Variants in ZNF557 observed in about 807,000 individuals in gnomAD.
ZNF557 encodes the protein CTB-25J19.9.
In ZNF557, 19 loss-of-function variants were observed where a neutral mutation model predicts 21.2. The ratio of observed to expected loss-of-function variants is 0.90; its 90% CI spans 0.63 to 1.32. ZNF557 has a LOEUF of 1.32. Among genes scored for constraint, ZNF557 ranks in the 40% most tolerant of loss-of-function variants. The pLI is 0.00. For missense variants in ZNF557, 487 were observed against 519.8 expected, an observed-to-expected ratio of 0.94 and a Z score of 0.61; for synonymous variants, 207 against 194.8, an observed-to-expected ratio of 1.06 and a Z score of -0.52.
chr19:7,072,873 A>G (rs11878876), intron 2 of ZNF557, among the ~76,000 whole-genome samples: 106,890 of 151,700 alleles, frequency 0.7, 37,797 homozygotes, highest in Middle Eastern at 0.74. Context: ...CTCCATCTCC[A>G]GCACCCAGCT....
At position 7,084,520 on chromosome 19, in the gene ZNF557, T is replaced by A. The variant is rs1325589733; in HGVS notation, c.*776T>A. On this transcript the variant is annotated 3_prime_UTR_variant, in exon 8 of 8. Transcript: ENST00000252840. ...TGCATGACACCATGTCTGGCTAATT[T>A]GTTTTTTTTTAAACTAGAGGGAGGG... is the stretch of plus-strand genomic sequence containing the variant. 2.7e-5 allele frequency: 4 copies of A among 147,136 alleles called. No homozygotes were observed. The East Asian group carries it at 7.9e-4, about 29-fold the overall frequency. 9.1% of individuals were successfully genotyped at this position (147,136 alleles called of 1,614,324 possible). A position where few individuals can be genotyped will look rare whatever the true frequency, so the allele number is the denominator to read the frequency against.
rs532793260 is a variant in ZNF557 at position 7,076,645 on chromosome 19, G to C, written c.247+138G>C. ...AAAGTGTCCAATTTGGTGGCTTTTC[G>C]TAGGTTCACAGTGTAGTACAGCCAT... On this transcript the variant is annotated intron_variant, in intron 5 of 7. Transcript: ENST00000252840. The C allele has an allele frequency of 3.1e-6, 4 of 1,302,706 alleles. No homozygotes were observed. In the African/African-American group the frequency reaches 6.0e-5, roughly 20 times the overall value. The allele number at this position is 1,302,706 out of a possible 1,614,324, so 80.7% of individuals were successfully genotyped here. A position where few individuals can be genotyped will look rare whatever the true frequency, so the allele number is the denominator to read the frequency against.
rs1977781947 is a variant in ZNF557, at chr19:7,084,085, A to C, written c.*341A>C. 4.4e-6 allele frequency: 1 copy of C among 227,444 alleles called. No individual in the cohort carries two copies. Among genetic ancestry groups the C allele is most frequent in the Non-Finnish European group, 8.7e-6 (1 of 114,554 alleles). The allele number at this position is 227,444 out of a possible 1,614,324, so 14.1% of individuals were successfully genotyped here. On this transcript the variant is annotated 3_prime_UTR_variant, in exon 8 of 8. Coordinates refer to ENST00000252840, the MANE Select transcript of ZNF557 (RefSeq NM_024341.3). ...GTTTCCAAGGGAGCTGCGCTTCCAAATCACGTAGGCCTCTCAACAGGGCTG... is the reference window on the plus strand; with the variant it reads ...GTTTCCAAGGGAGCTGCGCTTCCAACTCACGTAGGCCTCTCAACAGGGCTG...
intron 2 of ZNF557, 62 bp from the exon 3 acceptor site, chr19:7,074,934 C>T: frequency 6.4e-6 from 9 of 1,397,352 alleles, no homozygotes; most frequent in Non-Finnish European, 8.9e-6. Context: ...GACGGGGTGA[C>T]CGACGCAGGG....
At chr19:7,081,567 C>T in intron 6 of ZNF557, 112 bp downstream of exon 6, 1 of 743,570 alleles carries the variant, frequency 1.3e-6, no homozygotes, top group Non-Finnish European at 2.2e-6. Flanking sequence ...TGTGTAAATG[C>T]CCCTTTTCCC....
At position 7,084,921 on chromosome 19, in the gene ZNF557, C is replaced by G. The variant is rs1977801259; in HGVS notation, c.*1177C>G. The G allele has an allele frequency of 6.6e-6, 1 of 152,130 alleles. No individual in the cohort carries two copies. Among genetic ancestry groups the G allele is most frequent in the Non-Finnish European group, 1.5e-5 (1 of 68,042 alleles). The allele number at this position is 152,130 out of a possible 1,614,324, so 9.4% of individuals were successfully genotyped here. On this transcript the variant is annotated 3_prime_UTR_variant, in exon 8 of 8. Coordinates refer to ENST00000252840, the MANE Select transcript of ZNF557 (RefSeq NM_024341.3). ...CAAAAATGGAAAACCAGGGGACACT[C>G]ATTCCTTAAGTCACATTTCGGAGAT... is the stretch of plus-strand genomic sequence containing the variant.
chr19:7,083,440 G>C lies in ZNF557; in HGVS notation c.989G>C (p.Arg330Thr). The change falls in exon 8 of 8, where the codon AGG becomes ACG. Residue 330 changes from arginine (R) to threonine (T), a missense_variant. Transcript: ENST00000252840. ...TGCCACGATTGTGGGAGAACCTTCA[G>C]GAGGAGGTCGAATCTGACACAGCAC... Reference protein sequence around the residue: ...YECHDCGRTFRRRSNLTQHIR... With the variant: ...YECHDCGRTFTRRSNLTQHIR... The C allele has an allele frequency of 1.2e-6, 2 of 1,614,202 alleles. No individual in the cohort carries two copies. The highest frequency in any genetic ancestry group is 1.7e-6 in the Non-Finnish European group (2 of 1,180,034).
At chr19:7,081,072 T>C (rs1977687958) in intron 5 of ZNF557, among the ~76,000 whole-genome samples, 1 of 152,082 alleles carries the variant, frequency 6.6e-6, no homozygotes, top group Admixed American at 6.6e-5. Flanking sequence ...TCTTTTGGGC[T>C]TTCAGATTCT....
At chr19:7,074,045 G>T (rs1485449409) in intron 2 of ZNF557, among the ~76,000 whole-genome samples, 3 of 149,906 alleles carry the variant, frequency 2.0e-5, no homozygotes, top group African/African-American at 7.4e-5. Context: ...CTGTTGCCCA[G>T]GCTGGAGTGC....
chr19:7,083,438 C>T lies in ZNF557; in HGVS notation c.987C>T (p.Phe329=). The T allele has an allele frequency of 6.2e-7, 1 of 1,614,158 alleles. No individual in the cohort carries two copies. The highest frequency in any genetic ancestry group is 1.3e-5 in the African/African-American group (1 of 75,028). The part of the protein sequence containing the change: ...PYECHDCGRT[F]RRRSNLTQHI... Reference sequence around the variant, plus strand: ...AATGCCACGATTGTGGGAGAACCTTCAGGAGGAGGTCGAATCTGACACAGC... The same window carrying T: ...AATGCCACGATTGTGGGAGAACCTTTAGGAGGAGGTCGAATCTGACACAGC... The change falls in exon 8 of 8, where the codon TTC becomes TTT. Residue 329 remains phenylalanine, a synonymous_variant. Transcript: ENST00000252840.
intron 5 of ZNF557, among the ~76,000 whole-genome samples, chr19:7,079,568 AATTT>A (rs1977660758): frequency 6.6e-6 from 1 of 151,872 alleles, no homozygotes; most frequent in African/African-American, 2.4e-5. Flanking sequence ...CATGCCTCAT[AATTT>A]ATTTGCTGAA....
chr19:7,073,774 A>G (rs1977513208), intron 2 of ZNF557, among the ~76,000 whole-genome samples: 1 of 152,164 alleles, frequency 6.6e-6, no homozygotes, highest in African/African-American at 2.4e-5. Flanking sequence ...GGGGTCACCC[A>G]GGATAAATTC....
In ZNF557 at chr19:7,083,634, A is replaced by T; in HGVS notation, c.1183A>T (p.Met395Leu). ...FNVLSSVKKH[M>L]RTHTGKKPYE... ...TGTTCTCTCATCCGTTAAGAAACAC[A>T]TGAGAACTCACACTGGAAAAAAACC... The change falls in exon 8 of 8, where the codon ATG becomes TTG. Residue 395 changes from methionine (M) to leucine (L), a missense_variant. Transcript: ENST00000252840. 6.2e-7 allele frequency: 1 copy of T among 1,614,074 alleles called. No individual in the cohort carries two copies. Among genetic ancestry groups the T allele is most frequent in the Non-Finnish European group, 8.5e-7 (1 of 1,179,944 alleles).
At chr19:7,075,866 G>A in intron 4 of ZNF557, 123 bp downstream of exon 4, 1 of 1,496,498 alleles carries the variant, frequency 6.7e-7, no homozygotes, top group Non-Finnish European at 8.9e-7. Context: ...GGGTCTCTGA[G>A]TGAGGGCTGC....
At position 7,083,138 on chromosome 19, in the gene ZNF557, C is replaced by A. The variant is rs960570759; in HGVS notation, c.687C>A (p.Ile229=). The A allele has an allele frequency of 1.2e-6, 2 of 1,614,062 alleles. No homozygotes were observed. The highest frequency in any genetic ancestry group is 1.7e-5 in the Admixed American group (1 of 60,006). Residue 229 remains isoleucine, a synonymous_variant, in exon 8 of 8, where the codon ATC becomes ATA. Transcript: ENST00000252840. ...CTTACCTTACTGTTCATAAGAGAATCCACAATGGGGAGAAACCCTACGAAT... is the reference window on the plus strand; with the variant it reads ...CTTACCTTACTGTTCATAAGAGAATACACAATGGGGAGAAACCCTACGAAT... ...SRSYLTVHKR[I]HNGEKPYECS...
intron 3 of ZNF557, 108 bp from the exon 4 acceptor site, chr19:7,075,547 G>C: frequency 9.5e-7 from 1 of 1,052,346 alleles, no homozygotes; most frequent in Non-Finnish European, 1.4e-6. Flanking sequence ...GTGGGTGACT[G>C]TGTATGCATG....
chr19:7,072,717 T>C (rs908248991), intron 2 of ZNF557, among the ~76,000 whole-genome samples: 1 of 152,194 alleles, frequency 6.6e-6, no homozygotes, highest in Non-Finnish European at 1.5e-5. Context: ...CTTCCAAGGC[T>C]TCCCAGTCCC....
intron 4 of ZNF557, 36 bp from the exon 5 acceptor site, chr19:7,076,345 G>A (rs772397173): frequency 1.2e-6 from 2 of 1,614,114 alleles, no homozygotes; most frequent in Admixed American, 1.7e-5. Flanking sequence ...GGTGGGGGTG[G>A]TCCTTGGCTA....
chr19:7,077,994 A>G (rs956138300), intron 5 of ZNF557, among the ~76,000 whole-genome samples: 4 of 151,934 alleles, frequency 2.6e-5, no homozygotes, highest in Non-Finnish European at 5.9e-5. Flanking sequence ...TTTGGGGGGC[A>G]TTGTTTGCCT....
Sources: gnomAD v4.1 joint callset for allele counts (sites outside exome capture counted in the v4.1 genomes callset) on GRCh38, gnomAD v4.1.1 for gene constraint, MANE v1.5 for transcripts, NCBI Gene and HGNC (gene_info 2026-07-23, HGNC 2026-07-21) for gene names.